Variants in HIVEP2 observed in about 807,000 individuals in gnomAD.
HIVEP2 encodes the protein transcription factor HIVEP2.
A neutral mutation model predicts 180.7 loss-of-function variants in HIVEP2; 14 were observed. That is an observed-to-expected ratio of 0.08 (90% CI 0.05 to 0.12). The LOEUF (loss-of-function observed/expected upper bound fraction) is 0.12, where lower values mean the gene tolerates loss of function less well. Ranked by LOEUF, HIVEP2 falls within the 10% of genes least tolerant of loss-of-function variation. The probability of loss-of-function intolerance (pLI) is 1.00; values close to 1 mark genes in which losing one functional copy is unlikely to be tolerated. For missense variants in HIVEP2, 2,579 were observed against 3,008.5 expected, an observed-to-expected ratio of 0.86 and a Z score of 3.34; for synonymous variants, 1,184 against 1,136.4, an observed-to-expected ratio of 1.04 and a Z score of -0.84.
At chr6:142,782,001 A>T (rs1381315283) in intron 3 of HIVEP2, among the ~76,000 whole-genome samples, 1 of 152,226 alleles carries the variant, frequency 6.6e-6, no homozygotes, top group Non-Finnish European at 1.5e-5. Context: ...GAGTGGTGGC[A>T]AAAGTCAAGT....
intron 1 of HIVEP2, among the ~76,000 whole-genome samples, chr6:142,909,720 A>T (rs1777355733): frequency 6.6e-6 from 1 of 152,198 alleles, no homozygotes; most frequent in South Asian, 2.1e-4. Flanking sequence ...CTCTTCTATG[A>T]GTCAAGTACA....
At position 142,925,869 on chromosome 6, in the gene HIVEP2, A is replaced by G. The variant is rs145956640; in HGVS notation, c.-641+19230T>C. Among the ~76,000 whole-genome samples, 1,068 of 152,326 alleles carry G rather than the reference A, an allele frequency of 7.0e-3. 6 individuals carry two copies. The highest frequency in any genetic ancestry group is 0.014 in the South Asian group (69 of 4,828). On this transcript the variant is annotated intron_variant, in intron 1 of 9. Coordinates refer to ENST00000367603, the MANE Select transcript of HIVEP2 (RefSeq NM_006734.4). ...AAGTCCTTTCTCTGTCAACTCTTTG[A>G]TGTAAGAAACCTTAGCAGACCTCCC...
chr6:142,768,290 C>A, intron 6 of HIVEP2, 92 bp downstream of exon 6: 1 of 1,192,098 alleles, frequency 8.4e-7, no homozygotes, highest in Middle Eastern at 2.9e-4. Flanking sequence ...AGCTTTCAAC[C>A]AGATTAGACA....
rs562936036 is a variant in HIVEP2, at chr6:142,917,861, C to T, written c.-641+27238G>A. Reference sequence around the variant, plus strand: ...AGCAACCTTGGCTCACTGCAAGCTCCGCCTCCTGGGTTCAAGCAGTTCTCC... The same window carrying T: ...AGCAACCTTGGCTCACTGCAAGCTCTGCCTCCTGGGTTCAAGCAGTTCTCC... On this transcript the variant is annotated intron_variant, in intron 1 of 9. Coordinates refer to ENST00000367603, the MANE Select transcript of HIVEP2 (RefSeq NM_006734.4). 5.3e-5 allele frequency among the ~76,000 whole-genome samples: 8 copies of T among 152,250 alleles called. No homozygotes were observed. The South Asian group carries it at 6.2e-4, about 12-fold the overall frequency.
intron 2 of HIVEP2, among the ~76,000 whole-genome samples, chr6:142,819,208 G>T (rs988519962): frequency 6.6e-6 from 1 of 152,098 alleles, no homozygotes; most frequent in Non-Finnish European, 1.5e-5. Context: ...CTGGGCAACA[G>T]AGTGAGACCC....
chr6:142,772,718 A>G lies in HIVEP2; in HGVS notation c.2021T>C (p.Phe674Ser), dbSNP rs1775583504. The G allele has an allele frequency of 1.2e-6, 2 of 1,614,226 alleles. No homozygotes were observed. The highest frequency in any genetic ancestry group is 1.7e-6 in the Non-Finnish European group (2 of 1,180,036). The change falls in exon 5 of 10, where the codon TTC (phenylalanine) becomes TCC (serine). Residue 674 changes from phenylalanine (F) to serine (S), a missense_variant. Transcript: ENST00000367603. The surrounding 1 kb of genome is among the most constrained non-coding windows in gnomAD (Gnocchi z 4.9). ...LSSLKHGGEY[F>S]MDPVVPLQGV... ...CTGCAATGGCACCACGGGATCCATG[A>G]AATATTCTCCACCATGCTTTAAAGA...
At chr6:142,831,745 G>A (rs1326420050) in intron 2 of HIVEP2, among the ~76,000 whole-genome samples, 1 of 152,090 alleles carries the variant, frequency 6.6e-6, no homozygotes, top group Admixed American at 6.5e-5. Flanking sequence ...TTTACTTTAA[G>A]AGCAATTTTT....
chr6:142,823,316 C>CA (rs1777091423), intron 2 of HIVEP2, among the ~76,000 whole-genome samples: 1 of 152,188 alleles, frequency 6.6e-6, no homozygotes, highest in Admixed American at 6.5e-5. Flanking sequence ...TTATCATAGG[C>CA]ATCCAGATGT....
At chr6:142,914,405 T>G (rs1383853675) in intron 1 of HIVEP2, among the ~76,000 whole-genome samples, 1 of 152,168 alleles carries the variant, frequency 6.6e-6, no homozygotes, top group East Asian at 1.9e-4. Flanking sequence ...AAAGTATCGA[T>G]AAAGATTAAA....
rs1225129621 is a variant in HIVEP2, at chr6:142,777,651, A to AG, written c.-432-1461_-432-1460insC. Among the ~76,000 whole-genome samples, 10 of 19,050 alleles carry AG rather than the reference A, an allele frequency of 5.2e-4. No individual in the cohort carries two copies. The South Asian group carries it at 9.8e-3, about 19-fold the overall frequency. The allele number at this position is 19,050 out of a possible 152,430, so 12.5% of individuals were successfully genotyped here. A position where few individuals can be genotyped will look rare whatever the true frequency, so the allele number is the denominator to read the frequency against. ...CAACAAGAGCAAAACTCCATCTCAA[A>AG]AAAAAAAAAAAAAAAAAAAAAAAAA... On this transcript the variant is annotated intron_variant, in intron 3 of 9. Coordinates refer to ENST00000367603, the MANE Select transcript of HIVEP2 (RefSeq NM_006734.4).
At chr6:142,812,326 C>T (rs2114798758) in intron 2 of HIVEP2, among the ~76,000 whole-genome samples, 1 of 152,258 alleles carries the variant, frequency 6.6e-6, no homozygotes, top group African/African-American at 2.4e-5. Context: ...AGCTCTGTTC[C>T]CAACAGCCGG....
At chr6:142,868,857 C>T (rs1482460102) in intron 1 of HIVEP2, among the ~76,000 whole-genome samples, 1 of 152,110 alleles carries the variant, frequency 6.6e-6, no homozygotes, top group African/African-American at 2.4e-5. Context: ...GTTGAAAAAT[C>T]TTATTTTTCA....
At chr6:142,910,821 C>T (rs1255754126) in intron 1 of HIVEP2, among the ~76,000 whole-genome samples, 4 of 152,282 alleles carry the variant, frequency 2.6e-5, no homozygotes, top group African/African-American at 9.6e-5. Context: ...GTTCCCTGTG[C>T]CTCACCTCAG....
chr6:142,934,507 C>T (rs1778007660), intron 1 of HIVEP2, among the ~76,000 whole-genome samples: 1 of 152,166 alleles, frequency 6.6e-6, no homozygotes, highest in African/African-American at 2.4e-5. Context: ...CCCAAAAAGG[C>T]TACATCTCTA....
At chr6:142,818,527 G>C (rs1776906121) in intron 2 of HIVEP2, among the ~76,000 whole-genome samples, 1 of 151,794 alleles carries the variant, frequency 6.6e-6, no homozygotes, top group African/African-American at 2.4e-5. Flanking sequence ...AAATTAGCCA[G>C]GCGTGGTGGC....
intron 2 of HIVEP2, among the ~76,000 whole-genome samples, chr6:142,811,620 T>C (rs1776700314): frequency 6.6e-6 from 1 of 152,208 alleles, no homozygotes; most frequent in South Asian, 2.1e-4. Context: ...TACACAACTT[T>C]CAGTTGAAGT....
chr6:142,944,539 A>G (rs1263406720), intron 1 of HIVEP2, among the ~76,000 whole-genome samples: 1 of 152,152 alleles, frequency 6.6e-6, no homozygotes, highest in Non-Finnish European at 1.5e-5. Flanking sequence ...AAGGAGGTGA[A>G]AGAGGAGGAG....
intron 2 of HIVEP2, among the ~76,000 whole-genome samples, chr6:142,810,960 A>G (rs1197409559): frequency 6.6e-6 from 1 of 152,146 alleles, no homozygotes; most frequent in African/African-American, 2.4e-5. Context: ...CAATAAGAGC[A>G]CTACACATCA....
chr6:142,767,158 C>T (rs1582837324), intron 6 of HIVEP2, among the ~76,000 whole-genome samples: 1 of 152,142 alleles, frequency 6.6e-6, no homozygotes, highest in Non-Finnish European at 1.5e-5. Context: ...GTGGAGTTCT[C>T]GCTAATCTAT....
Sources: gnomAD v4.1 joint callset for allele counts (sites outside exome capture counted in the v4.1 genomes callset) on GRCh38, gnomAD v4.1.1 for gene constraint, Gnocchi (gnomAD v3.1) non-coding constraint, MANE v1.5 for transcripts, NCBI Gene and HGNC (gene_info 2026-07-23, HGNC 2026-07-21) for gene names.